Variants in EYS observed in about 807,000 individuals in gnomAD.
EYS encodes protein eyes shut homolog.
A neutral mutation model predicts 282.1 loss-of-function variants in EYS; 250 were observed. The ratio of observed to expected loss-of-function variants is 0.89; its 90% CI spans 0.80 to 0.98. The LOEUF (loss-of-function observed/expected upper bound fraction) is 0.98, where lower values mean the gene tolerates loss of function less well. Ranked by LOEUF, EYS falls within the 50% of genes least tolerant of loss-of-function variation. The probability of loss-of-function intolerance (pLI) is 0.00; values close to 1 mark genes in which losing one functional copy is unlikely to be tolerated. For missense variants in EYS, 4,016 were observed against 3,709.0 expected, an observed-to-expected ratio of 1.08 and a Z score of -2.15; for synonymous variants, 1,355 against 1,282.9, an observed-to-expected ratio of 1.06 and a Z score of -1.20.
chr6:65,490,372 GT>G, intron 5 of EYS: 1 of 393,748 alleles, frequency 2.5e-6, no homozygotes, highest in Non-Finnish European at 4.7e-6. Flanking sequence ...CATGTGAACT[GT>G]TGTTCAGACT....
chr6:65,028,536 T>G (rs189964688), intron 13 of EYS, among the ~76,000 whole-genome samples: 198 of 152,156 alleles, frequency 1.3e-3, no homozygotes, highest in African/African-American at 4.5e-3. Flanking sequence ...AGATTTTTAG[T>G]ATAGTTTTCA....
chr6:65,007,308 A>G (rs1771706407), intron 13 of EYS, among the ~76,000 whole-genome samples: 1 of 152,122 alleles, frequency 6.6e-6, no homozygotes, highest in Non-Finnish European at 1.5e-5. Context: ...ATTTCCCCCA[A>G]GGCAAAAATG....
chr6:63,961,407 C>G (rs1026054360), intron 35 of EYS, among the ~76,000 whole-genome samples: 1 of 151,664 alleles, frequency 6.6e-6, no homozygotes, highest in African/African-American at 2.4e-5. Flanking sequence ...CAGAAGCTCC[C>G]CCACTGAGCA....
intron 14 of EYS, among the ~76,000 whole-genome samples, chr6:64,974,461 G>A (rs890611159): frequency 5.3e-5 from 8 of 151,666 alleles, no homozygotes; most frequent in African/African-American, 1.4e-4. Context: ...ATCTAGTAAT[G>A]GCCTCCAGGA....
chr6:64,727,098 G>A (rs764119793), intron 22 of EYS, among the ~76,000 whole-genome samples: 2 of 152,142 alleles, frequency 1.3e-5, no homozygotes, highest in Non-Finnish European at 2.9e-5. Flanking sequence ...TAAGTGTAAT[G>A]TTTTGTACAT....
chr6:64,228,219 G>A (rs1766307346), intron 31 of EYS, among the ~76,000 whole-genome samples: 1 of 152,062 alleles, frequency 6.6e-6, no homozygotes, highest in African/African-American at 2.4e-5. Flanking sequence ...ACAGAAAGAG[G>A]CAAGATACTC....
At chr6:64,751,525 G>T (rs867302800) in intron 22 of EYS, among the ~76,000 whole-genome samples, 5 of 152,290 alleles carry the variant, frequency 3.3e-5, no homozygotes, top group Middle Eastern at 3.4e-3. Flanking sequence ...CCAGCTCCAG[G>T]CAGCTTTGTC....
intron 23 of EYS, among the ~76,000 whole-genome samples, chr6:64,623,993 G>T (rs769626297): frequency 6.6e-6 from 1 of 152,170 alleles, no homozygotes; most frequent in South Asian, 2.1e-4. Context: ...AGAGACAGGA[G>T]TGTTGGGGAC....
intron 26 of EYS, among the ~76,000 whole-genome samples, chr6:64,450,796 T>C (rs925587776): frequency 3.9e-5 from 6 of 152,170 alleles, no homozygotes; most frequent in Admixed American, 1.3e-4. Context: ...ATAAAGATGT[T>C]CTTTGAAAGC....
chr6:64,275,720 G>T (rs1562283149), intron 30 of EYS, among the ~76,000 whole-genome samples: 1 of 151,630 alleles, frequency 6.6e-6, no homozygotes, highest in Non-Finnish European at 1.5e-5. Context: ...ACTTTGGGAG[G>T]CCGAGGCGGG....
intron 9 of EYS, among the ~76,000 whole-genome samples, chr6:65,350,408 A>C (rs1770553858): frequency 6.6e-6 from 1 of 151,588 alleles, no homozygotes; most frequent in African/African-American, 2.4e-5. Context: ...TAAAGGAAAA[A>C]TAAAACTTTC....
At chr6:64,108,371 CT>C (rs1773099440) in intron 31 of EYS, among the ~76,000 whole-genome samples, 1 of 151,994 alleles carries the variant, frequency 6.6e-6, no homozygotes, top group Non-Finnish European at 1.5e-5. Flanking sequence ...TGTTGTTTGC[CT>C]TGTGACATTA....
At chr6:64,498,805 T>C (rs965669387) in intron 26 of EYS, among the ~76,000 whole-genome samples, 1 of 152,202 alleles carries the variant, frequency 6.6e-6, no homozygotes, top group African/African-American at 2.4e-5. Context: ...CTCATCCTTT[T>C]TTATGGTTGC....
At chr6:65,229,794 G>C (rs982644739) in intron 12 of EYS, among the ~76,000 whole-genome samples, 2 of 152,006 alleles carry the variant, frequency 1.3e-5, no homozygotes, top group Admixed American at 6.6e-5. Context: ...TATCTGGACA[G>C]TTTGCTGTGT....
intron 12 of EYS, among the ~76,000 whole-genome samples, chr6:65,222,401 G>A (rs1256991307): frequency 2.6e-5 from 4 of 152,066 alleles, no homozygotes; most frequent in Admixed American, 2.6e-4. Flanking sequence ...TTTATAAAGG[G>A]GAGTCCCCTG....
chr6:65,570,228 C>T (rs1197565703), intron 2 of EYS, among the ~76,000 whole-genome samples: 1 of 152,032 alleles, frequency 6.6e-6, no homozygotes, highest in Non-Finnish European at 1.5e-5. Context: ...GATTACTGAA[C>T]AATTTCCCTA....
At chr6:64,893,986 C>G (rs1562246664) in intron 18 of EYS, among the ~76,000 whole-genome samples, 1 of 151,996 alleles carries the variant, frequency 6.6e-6, no homozygotes, top group Non-Finnish European at 1.5e-5. Context: ...AATTACTACT[C>G]TTAAGATGCT....
chr6:63,880,479 GTC>G (rs1562076004), intron 35 of EYS, among the ~76,000 whole-genome samples: 33 of 124,392 alleles, frequency 2.7e-4, no homozygotes, highest in Non-Finnish European at 4.4e-4. Context: ...CTGTCTGTCT[GTC>G]TGTCTGTATC....
chr6:63,777,830 A>G (rs1226090932), intron 40 of EYS, 176 bp downstream of exon 40: 1 of 607,276 alleles, frequency 1.6e-6, no homozygotes, highest in Non-Finnish European at 2.9e-6. Context: ...TGCTGTGCTG[A>G]TCCTATTTTT....
Sources: allele counts gnomAD v4.1 joint callset (sites outside exome capture counted in the v4.1 genomes callset), GRCh38; gene constraint gnomAD v4.1.1; transcripts MANE v1.5; gene names NCBI Gene and HGNC (gene_info 2026-07-23, HGNC 2026-07-21).